Variants in MORC3 observed in about 807,000 individuals in gnomAD.
MORC3 encodes MORC family CW-type zinc finger protein 3.
In MORC3, 31 loss-of-function variants were observed where a neutral mutation model predicts 109.1. That is an observed-to-expected ratio of 0.28 (90% CI 0.21 to 0.38). The LOEUF (loss-of-function observed/expected upper bound fraction) is 0.38, where lower values mean the gene tolerates loss of function less well. Ranked by LOEUF, MORC3 falls within the 10% of genes least tolerant of loss-of-function variation. The pLI is 1.00. For missense variants in MORC3, 867 were observed against 1,135.8 expected (o/e 0.76, Z 3.40); for synonymous variants, 395 against 380.7 (o/e 1.04, Z -0.44).
chr21:36,370,874 G>A (rs992747875), intron 15 of MORC3, among the ~76,000 whole-genome samples: 1 of 151,480 alleles, frequency 6.6e-6, no homozygotes, highest in Admixed American at 6.6e-5. Context: ...TCACCACATT[G>A]GCCAGGCTGA....
chr21:36,370,183 G>A (rs2085839196), intron 15 of MORC3, among the ~76,000 whole-genome samples: 1 of 152,152 alleles, frequency 6.6e-6, no homozygotes, highest in Non-Finnish European at 1.5e-5. Context: ...ATTCCAGCCT[G>A]GGCAACAGAG....
At chr21:36,358,390 A>T (rs2085670360) in intron 10 of MORC3, among the ~76,000 whole-genome samples, 1 of 152,088 alleles carries the variant, frequency 6.6e-6, no homozygotes, top group African/African-American at 2.4e-5. Context: ...TGTCTCAAAA[A>T]AAATAAATAA....
intron 9 of MORC3, among the ~76,000 whole-genome samples, chr21:36,356,006 T>C (rs994754013): frequency 6.6e-6 from 1 of 152,160 alleles, no homozygotes; most frequent in Non-Finnish European, 1.5e-5. Flanking sequence ...TACTGCAATA[T>C]AAAATTTCTT....
intron 1 of MORC3, among the ~76,000 whole-genome samples, chr21:36,333,183 T>C (rs973683476): frequency 3.3e-5 from 5 of 152,184 alleles, no homozygotes; most frequent in African/African-American, 1.2e-4. Flanking sequence ...GAGTAAATAA[T>C]GAAGTCACAG....
intron 5 of MORC3, chr21:36,339,206 G>A (rs1200330352): frequency 1.8e-5 from 4 of 222,772 alleles, no homozygotes; most frequent in East Asian, 1.0e-4. Context: ...TGCAGCCTCC[G>A]CCTCCTAGGT....
Position 36,369,338 on chromosome 21 carries a change from A to G in MORC3, c.1970A>G (p.Asp657Gly). Residue 657 changes from aspartate (D) to glycine (G), a missense_variant, in exon 15 of 17, where the codon GAC becomes GGC. Physicochemically the swap from Asp to Gly is moderately conservative, Grantham distance 94. Transcript: ENST00000400485. ...GTTAAAAAAGAAGAAACTGTTGAAG[A>G]CGAGATAGACGTAAGAAATGATGCA... ...LVVKKEETVE[D>G]EIDVRNDAVI... is the part of the protein sequence containing the mutation. 2 of 1,614,196 alleles carry G rather than the reference A, an allele frequency of 1.2e-6. No homozygotes were observed. Among genetic ancestry groups the G allele is most frequent in the South Asian group, 1.1e-5 (1 of 91,086 alleles).
chr21:36,321,540 CT>C (rs1018331015), intron 1 of MORC3, among the ~76,000 whole-genome samples: 5 of 147,056 alleles, frequency 3.4e-5, no homozygotes, highest in African/African-American at 7.5e-5. Context: ...CAATTTTATT[CT>C]TTTTTTCTTT....
At chr21:36,365,063 A>AAAC (rs2085764439) in intron 14 of MORC3, among the ~76,000 whole-genome samples, 1 of 151,688 alleles carries the variant, frequency 6.6e-6, no homozygotes, top group Non-Finnish European at 1.5e-5. Context: ...AAAAAAAAAA[A>AAAC]AAAAAAACAT....
intron 13 of MORC3, among the ~76,000 whole-genome samples, chr21:36,362,631 C>T (rs1214132326): frequency 1.3e-5 from 2 of 152,050 alleles, no homozygotes; most frequent in African/African-American, 4.8e-5. Context: ...CCCATCTCAG[C>T]CTCCCAAAGT....
At chr21:36,332,630 TG>T (rs2085329144) in intron 1 of MORC3, among the ~76,000 whole-genome samples, 1 of 152,180 alleles carries the variant, frequency 6.6e-6, no homozygotes, top group African/African-American at 2.4e-5. Flanking sequence ...TGTAGTTGAC[TG>T]AGACTCAGCT....
In MORC3 at chr21:36,367,191, C is replaced by T. The variant is rs531528807; in HGVS notation, c.1620-1797C>T. On this transcript the variant is annotated intron_variant, in intron 14 of 16. Transcript: ENST00000400485. The stretch of plus-strand genomic sequence containing the variant: ...TTTACTGCTGAAGATGTACATGAGC[C>T]ATTGTTTTGAAACAGAATGAGTAAG... Among the ~76,000 whole-genome samples the T allele has an allele frequency of 2.4e-3, 359 of 152,270 alleles. 1 individual carries two copies. Among genetic ancestry groups the T allele is most frequent in the Non-Finnish European group, 4.4e-3 (299 of 68,018 alleles).
intron 1 of MORC3, chr21:36,320,629 G>C (rs1016885470): frequency 7.3e-6 from 2 of 273,470 alleles, no homozygotes; most frequent in Admixed American, 1.1e-4. Context: ...CTGCTCTCGG[G>C]GCCGCGGGGC....
rs185793734 is a variant in MORC3, at chr21:36,366,843, G to A, written c.1620-2145G>A. ...TCTAAGTCTTAGGAAATATAAATAG[G>A]AATGAGCTTGGTAAGAAAAAGAATA... On this transcript the variant is annotated intron_variant, in intron 14 of 16. Transcript: ENST00000400485. Among the ~76,000 whole-genome samples, 193 of 152,284 alleles carry A rather than the reference G, an allele frequency of 1.3e-3. 1 individual carries two copies. The highest frequency in any genetic ancestry group is 4.4e-3 in the African/African-American group (184 of 41,558).
At chr21:36,366,462 CTT>C (rs59413785) in intron 14 of MORC3, among the ~76,000 whole-genome samples, 4 of 146,478 alleles carry the variant, frequency 2.7e-5, no homozygotes, top group African/African-American at 2.5e-5. Context: ...GATTAAACAA[CTT>C]TTTTTTTTTT....
intron 9 of MORC3, among the ~76,000 whole-genome samples, chr21:36,350,829 CTT>C (rs1258843954): frequency 1.3e-5 from 2 of 152,030 alleles, no homozygotes; most frequent in Admixed American, 6.6e-5. Flanking sequence ...TGGCATCAGT[CTT>C]TTTATTTACA....
At position 36,369,618 on chromosome 21, in the gene MORC3, C is replaced by T. The variant is rs200880046; in HGVS notation, c.2250C>T (p.Thr750=). ...AAACTTGCCATCAGTCCACTGAAAC[C>T]GATGCTGTATTTTTACTTGAAAGTA... is the stretch of plus-strand genomic sequence containing the variant. ...KKETCHQSTE[T]DAVFLLESIN... Residue 750 remains threonine (T), a synonymous_variant, in exon 15 of 17, where the codon ACC becomes ACT. Coordinates refer to ENST00000400485, the MANE Select transcript of MORC3 (RefSeq NM_015358.3). 88 of 1,614,124 alleles carry T rather than the reference C, an allele frequency of 5.5e-5. No individual in the cohort carries two copies. In the East Asian group the frequency reaches 7.6e-4, roughly 14 times the overall value.
chr21:36,371,965 C>T (rs2146344745), intron 15 of MORC3, among the ~76,000 whole-genome samples: 1 of 152,194 alleles, frequency 6.6e-6, no homozygotes, highest in African/African-American at 2.4e-5. Context: ...AGGCGGCTGC[C>T]ATCACACCCA....
intron 3 of MORC3, 76 bp from the exon 4 acceptor site, chr21:36,337,656 A>T: frequency 2.0e-6 from 2 of 1,009,204 alleles, no homozygotes; most frequent in East Asian, 3.0e-5. Context: ...TTAAAAAAAA[A>T]GATTATAGGT....
chr21:36,333,419 C>T, intron 1 of MORC3: 1 of 551,740 alleles, frequency 1.8e-6, no homozygotes, highest in Non-Finnish European at 3.2e-6. Context: ...ATAAAGAGGG[C>T]AAGGGTTTTG....
Sources: allele counts gnomAD v4.1 joint callset (sites outside exome capture counted in the v4.1 genomes callset), GRCh38; gene constraint gnomAD v4.1.1; transcripts MANE v1.5; gene names NCBI Gene and HGNC (gene_info 2026-07-23, HGNC 2026-07-21).